The following ERC1 variants were observed in gnomAD, a reference collection of about 807,000 sequenced individuals.
ERC1 encodes RAB6 interacting protein 2.
Under a neutral mutation model 132.0 loss-of-function variants are expected in ERC1, and 56 were observed. The observed-to-expected ratio is 0.42, with a 90% CI of 0.34 to 0.53. The LOEUF is 0.53. ERC1 is among the 20% of genes least tolerant of loss of function. ERC1 has a pLI of 0.03. For synonymous variants in ERC1, 478 were observed against 476.1 expected, an observed-to-expected ratio of 1.00 and a Z score of -0.05; for missense variants, 1,202 against 1,349.9, an observed-to-expected ratio of 0.89 and a Z score of 1.72.
chr12:1,313,998 ATAAATTAAAT>A (rs200949677), intron 15 of ERC1, among the ~76,000 whole-genome samples: 1 of 152,010 alleles, frequency 6.6e-6, no homozygotes, highest in African/African-American at 2.4e-5. Flanking sequence ...CATAATAATA[ATAAATTAAAT>A]TAAATTAAAG....
At chr12:1,138,640 A>G (rs904082241) in intron 7 of ERC1, among the ~76,000 whole-genome samples, 5 of 152,056 alleles carry the variant, frequency 3.3e-5, no homozygotes, top group Non-Finnish European at 7.4e-5. Context: ...TAAGGATATT[A>G]CAGGCATAGG....
rs547090350 is a variant in ERC1, at chr12:1,170,440, C to T, written c.1738-10100C>T. 7.2e-5 allele frequency among the ~76,000 whole-genome samples: 11 copies of T among 152,100 alleles called. No homozygotes were observed. In the South Asian group the frequency reaches 2.1e-3, roughly 29 times the overall value. ...AACTGAGACTAGGCTACCTAGACAG[C>T]CACTGTAACTGAACAACTTCAAGGG... On this transcript the variant is annotated intron_variant, in intron 8 of 18. Coordinates refer to ENST00000360905, the MANE Select transcript of ERC1 (RefSeq NM_178040.4).
chr12:1,389,943 T>C (rs191603296), intron 16 of ERC1, among the ~76,000 whole-genome samples: 1 of 152,202 alleles, frequency 6.6e-6, no homozygotes, highest in Non-Finnish European at 1.5e-5. Context: ...AGTAGGTTAA[T>C]CTCTCCATTT....
intron 2 of ERC1, among the ~76,000 whole-genome samples, chr12:1,069,448 A>C (rs1270261827): frequency 6.6e-6 from 1 of 152,136 alleles, no homozygotes; most frequent in African/African-American, 2.4e-5. Context: ...ATATAGATGG[A>C]GGTGTAATTT....
At position 1,007,554 on chromosome 12, in the gene ERC1, G is replaced by C. The variant is rs77132411; in HGVS notation, c.-157+16232G>C. On this transcript the variant is annotated intron_variant, in intron 1 of 18. Coordinates refer to ENST00000360905, the MANE Select transcript of ERC1 (RefSeq NM_178040.4). ...TCTCTCTCTCTCTGTGTGTGTGTGT[G>C]TGTGTGTGTGTGTGTACACACTTTG... Among the ~76,000 whole-genome samples the C allele has an allele frequency of 4.2e-3, 288 of 69,006 alleles. 1 individual carries two copies. In the East Asian group the frequency reaches 0.069, roughly 17 times the overall value. 45.3% of individuals were successfully genotyped at this position (69,006 alleles called of 152,430 possible). A position where few individuals can be genotyped will look rare whatever the true frequency, so the allele number is the denominator to read the frequency against.
At chr12:1,266,316 C>A (rs150126614) in intron 14 of ERC1, among the ~76,000 whole-genome samples, 3 of 149,376 alleles carry the variant, frequency 2.0e-5, no homozygotes, top group Non-Finnish European at 4.4e-5. Context: ...TATGTTTATA[C>A]TTCTGAAGCC....
At chr12:1,208,786 TTTTTG>T (rs1031699056) in intron 12 of ERC1, among the ~76,000 whole-genome samples, 25 of 152,082 alleles carry the variant, frequency 1.6e-4, no homozygotes, top group Admixed American at 3.9e-4. Flanking sequence ...TTAAATTGTT[TTTTTG>T]TTTTGTTTTG....
intron 11 of ERC1, among the ~76,000 whole-genome samples, chr12:1,185,426 G>C (rs1566179797): frequency 7.4e-6 from 1 of 134,420 alleles, no homozygotes; most frequent in African/African-American, 3.2e-5. Flanking sequence ...TTTATTGAAG[G>C]TTTTTTTTTC....
chr12:1,150,535 G>T (rs955191483), intron 8 of ERC1, among the ~76,000 whole-genome samples: 2 of 151,822 alleles, frequency 1.3e-5, no homozygotes, highest in Non-Finnish European at 2.9e-5. Context: ...GATATTTCAG[G>T]CTTTTTATTT....
At position 1,364,953 on chromosome 12, in the gene ERC1, C is replaced by T. The variant is rs557089629; in HGVS notation, c.2781-6880C>T. Among the ~76,000 whole-genome samples the T allele has an allele frequency of 1.3e-4, 20 of 152,286 alleles. 1 individual carries two copies. The highest frequency in any genetic ancestry group is 4.3e-4 in the African/African-American group (18 of 41,568). Reference sequence around the variant, plus strand: ...TATAAACCAAAATCTCTCTCTTTTGCGACTTCCCCTGCTTTAGTAACAATT... The same window carrying T: ...TATAAACCAAAATCTCTCTCTTTTGTGACTTCCCCTGCTTTAGTAACAATT... On this transcript the variant is annotated intron_variant, in intron 15 of 18. Transcript: ENST00000360905.
At chr12:1,395,615 T>G (rs1353492166) in intron 16 of ERC1, among the ~76,000 whole-genome samples, 1 of 152,044 alleles carries the variant, frequency 6.6e-6, no homozygotes, top group East Asian at 1.9e-4. Flanking sequence ...AGGGATATCT[T>G]CAGCTCAGGG....
chr12:1,303,140 T>C (rs1367682473), intron 15 of ERC1, among the ~76,000 whole-genome samples: 2 of 152,190 alleles, frequency 1.3e-5, no homozygotes, highest in African/African-American at 4.8e-5. Flanking sequence ...TCTATCTTGA[T>C]GGCTGCTGAC....
chr12:1,074,438 T>A (rs1941003696), intron 2 of ERC1, among the ~76,000 whole-genome samples: 1 of 151,962 alleles, frequency 6.6e-6, no homozygotes, highest in African/African-American at 2.4e-5. Flanking sequence ...ATAGCTGGGA[T>A]TATAGGATGC....
chr12:1,279,898 G>A (rs1055454710), intron 14 of ERC1, among the ~76,000 whole-genome samples: 12 of 152,080 alleles, frequency 7.9e-5, no homozygotes, highest in African/African-American at 2.2e-4. Context: ...GTTTCACCAT[G>A]TTGGCCAGGC....
At chr12:997,087 T>TA (rs1283627700) in intron 1 of ERC1, among the ~76,000 whole-genome samples, 10 of 152,246 alleles carry the variant, frequency 6.6e-5, no homozygotes, top group Admixed American at 4.6e-4. Context: ...CCTGGCTAAT[T>TA]AAAAAAAATT....
intron 8 of ERC1, among the ~76,000 whole-genome samples, chr12:1,180,314 T>TG (rs1954302588): frequency 7.3e-6 from 1 of 137,420 alleles, no homozygotes; most frequent in Non-Finnish European, 1.7e-5. Flanking sequence ...CGCATACACA[T>TG]GTGTACTTTT....
At chr12:1,121,753 C>CTCTA (rs1947217486) in intron 7 of ERC1, among the ~76,000 whole-genome samples, 1 of 5,584 alleles carries the variant, frequency 1.8e-4, no homozygotes, top group African/African-American at 3.0e-4. Flanking sequence ...CTATCTCTAT[C>CTCTA]TCTATCTCTA....
intron 2 of ERC1, among the ~76,000 whole-genome samples, chr12:1,066,836 C>A (rs74709510): frequency 6.2e-3 from 803 of 130,014 alleles, no homozygotes; most frequent in Middle Eastern, 7.8e-3. Flanking sequence ...GACTCTGTCT[C>A]AAAAAAAAAA....
chr12:1,490,730 G>C lies in ERC1; in HGVS notation c.*500G>C, dbSNP rs928553727. The C allele has an allele frequency of 4.3e-6, 1 of 233,868 alleles. No homozygotes were observed. The highest frequency in any genetic ancestry group is 1.8e-4 in the South Asian group (1 of 5,588). The allele number at this position is 233,868 out of a possible 1,614,324, so 14.5% of individuals were successfully genotyped here. On this transcript the variant is annotated 3_prime_UTR_variant, in exon 19 of 19. Coordinates refer to ENST00000360905, the MANE Select transcript of ERC1 (RefSeq NM_178040.4). ...TCTCAAAAAGATTAGAAAAAGAGAA[G>C]GGGGGAAGGGAAGAGAAAATCGACT...
Sources: allele counts gnomAD v4.1 joint callset (sites outside exome capture counted in the v4.1 genomes callset), GRCh38; gene constraint gnomAD v4.1.1; transcripts MANE v1.5; gene names NCBI Gene and HGNC (gene_info 2026-07-23, HGNC 2026-07-21).